COL11A1: variants seen among roughly 807,000 people sequenced by gnomAD.
The protein encoded by COL11A1 is collagen alpha-1(XI) chain.
In COL11A1, 74 loss-of-function variants were observed where a neutral mutation model predicts 265.2. That is an observed-to-expected ratio of 0.28 (90% CI 0.23 to 0.34). The LOEUF is 0.34. Among genes scored for constraint, COL11A1 ranks in the 10% least tolerant of loss-of-function variants. The probability of loss-of-function intolerance (pLI) is 1.00; values close to 1 mark genes in which losing one functional copy is unlikely to be tolerated. For synonymous variants in COL11A1, 816 were observed against 727.6 expected, an observed-to-expected ratio of 1.12 and a Z score of -1.96; for missense variants, 2,165 against 2,263.6, an observed-to-expected ratio of 0.96 and a Z score of 0.88.
chr1:102,947,821 T>G (rs1243558311), intron 41 of COL11A1, among the ~76,000 whole-genome samples: 1 of 151,908 alleles, frequency 6.6e-6, no homozygotes, highest in Non-Finnish European at 1.5e-5. Context: ...GTATAATCTA[T>G]TTCTACTTCC....
At chr1:103,074,852 A>G in intron 3 of COL11A1, 72 bp from the exon 4 acceptor site, 2 of 1,513,658 alleles carry the variant, frequency 1.3e-6, no homozygotes, top group Non-Finnish European at 1.8e-6. Flanking sequence ...TCACATAAAA[A>G]TGCTGTGTAT....
chr1:103,076,473 T>G, intron 3 of COL11A1, among the ~76,000 whole-genome samples: 1 of 152,276 alleles, frequency 6.6e-6, no homozygotes, highest in Middle Eastern at 3.4e-3. Flanking sequence ...TATCCTTCTA[T>G]GACCTCATGA....
At chr1:103,011,441 A>G (rs1387872633) in intron 14 of COL11A1, among the ~76,000 whole-genome samples, 1 of 152,066 alleles carries the variant, frequency 6.6e-6, no homozygotes, top group Non-Finnish European at 1.5e-5. Context: ...GATTGAATGT[A>G]TATTCCTGCA....
At position 102,933,122 on chromosome 1, in the gene COL11A1, C is replaced by T. The variant is rs1657692312; in HGVS notation, c.3600+1327G>A. Among the ~76,000 whole-genome samples, 5 of 150,414 alleles carry T rather than the reference C, an allele frequency of 3.3e-5. No individual in the cohort carries two copies. The South Asian group carries it at 1.1e-3, about 32-fold the overall frequency. On this transcript the variant is annotated intron_variant, in intron 46 of 66. Transcript: ENST00000370096. ...AAGTCATTCTCCATCCAGCTTTGTT[C>T]CATTGCTGGTGAGGAACTGCGTTCC... is the stretch of plus-strand genomic sequence containing the variant.
chr1:103,039,078 A>T (rs547057102), intron 4 of COL11A1, among the ~76,000 whole-genome samples: 18 of 152,364 alleles, frequency 1.2e-4, no homozygotes, highest in African/African-American at 4.3e-4. Context: ...TCTAAGAAGT[A>T]GAATAATAAC....
At chr1:103,047,389 C>A (rs1669378791) in intron 4 of COL11A1, among the ~76,000 whole-genome samples, 1 of 152,104 alleles carries the variant, frequency 6.6e-6, no homozygotes, top group Admixed American at 6.6e-5. Context: ...GGAATTCACT[C>A]ATGATTTGGC....
chr1:103,079,536 T>G (rs1246803324), intron 2 of COL11A1, among the ~76,000 whole-genome samples: 1 of 152,048 alleles, frequency 6.6e-6, no homozygotes, highest in Non-Finnish European at 1.5e-5. Context: ...TGGTCCTTAC[T>G]AAGCATCTGT....
intron 2 of COL11A1, among the ~76,000 whole-genome samples, chr1:103,079,664 G>A (rs1419433971): frequency 6.6e-6 from 1 of 151,850 alleles, no homozygotes; most frequent in African/African-American, 2.4e-5. Context: ...TTTCAAAATA[G>A]TTTTACAAAT....
intron 2 of COL11A1, among the ~76,000 whole-genome samples, chr1:103,082,193 G>A (rs1487702545): frequency 1.3e-5 from 2 of 151,878 alleles, no homozygotes; most frequent in Non-Finnish European, 2.9e-5. Flanking sequence ...ACTGCCAGCT[G>A]ATATTTTAAA....
intron 54 of COL11A1, among the ~76,000 whole-genome samples, chr1:102,904,113 T>C (rs945893397): frequency 3.9e-5 from 6 of 152,172 alleles, no homozygotes; most frequent in Non-Finnish European, 8.8e-5. Context: ...TCCTCTTGCT[T>C]CAGCCTCTCA....
At chr1:102,917,308 CT>C (rs1655452279) in intron 49 of COL11A1, among the ~76,000 whole-genome samples, 1 of 151,902 alleles carries the variant, frequency 6.6e-6, no homozygotes. Flanking sequence ...AACTAGACTC[CT>C]ATCTCTTACC....
At chr1:103,007,621 G>A (rs551434796) in intron 15 of COL11A1, among the ~76,000 whole-genome samples, 1 of 152,030 alleles carries the variant, frequency 6.6e-6, no homozygotes, top group Non-Finnish European at 1.5e-5. Context: ...ACTTTCGGAG[G>A]CCCAGGAGGG....
rs201415429 is a variant in COL11A1 at position 103,038,986 on chromosome 1, GT to G, written c.652-7743del. On this transcript the variant is annotated intron_variant, in intron 4 of 66. Coordinates refer to ENST00000370096, the MANE Select transcript of COL11A1 (RefSeq NM_001854.4). ...GTAGAGCAATTCTGCAGTTTCTCAA[GT>G]AAGCAATGGTAGGATGGCAAAGCCA... Among the ~76,000 whole-genome samples the G allele has an allele frequency of 9.3e-4, 142 of 152,266 alleles. 2 individuals carry two copies. The East Asian group carries it at 0.024, about 26-fold the overall frequency.
chr1:102,970,298 C>T, intron 36 of COL11A1, 26 bp from the exon 37 acceptor site: 1 of 1,567,284 alleles, frequency 6.4e-7, no homozygotes, highest in Non-Finnish European at 8.8e-7. Flanking sequence ...TTAAATACCA[C>T]ATGTCATAAA....
intron 38 of COL11A1, 118 bp downstream of exon 38, chr1:102,965,369 A>G: frequency 7.7e-6 from 8 of 1,039,570 alleles, no homozygotes; most frequent in Non-Finnish European, 1.2e-5. Context: ...ATGCAATCTG[A>G]AATAAAAAAT....
intron 47 of COL11A1, among the ~76,000 whole-genome samples, chr1:102,922,624 C>T (rs113176401): frequency 6.6e-5 from 10 of 152,168 alleles, no homozygotes; most frequent in Non-Finnish European, 1.5e-4. Context: ...TGGTCTCGAT[C>T]TCCTGACATC....
intron 35 of COL11A1, among the ~76,000 whole-genome samples, chr1:102,978,322 T>C (rs990291407): frequency 4.6e-5 from 7 of 152,162 alleles, no homozygotes; most frequent in Non-Finnish European, 8.8e-5. Flanking sequence ...TAGTAGCTTG[T>C]TTTTTACCAG....
intron 29 of COL11A1, among the ~76,000 whole-genome samples, chr1:102,988,199 T>C (rs1487624754): frequency 2.0e-5 from 3 of 152,140 alleles, no homozygotes; most frequent in East Asian, 1.9e-4. Flanking sequence ...AGACCCATGA[T>C]TCGTGATTTA....
chr1:103,088,225 C>T (rs1038241880), intron 1 of COL11A1, among the ~76,000 whole-genome samples: 1 of 152,192 alleles, frequency 6.6e-6, no homozygotes, highest in African/African-American at 2.4e-5. Context: ...AAGAGCAAAA[C>T]TGCTTCTTAA....
Sources: allele counts gnomAD v4.1 joint callset (sites outside exome capture counted in the v4.1 genomes callset), GRCh38; gene constraint gnomAD v4.1.1; transcripts MANE v1.5; gene names NCBI Gene and HGNC (gene_info 2026-07-23, HGNC 2026-07-21).